NFIC: variants seen among roughly 807,000 people sequenced by gnomAD.
NFIC encodes nuclear factor 1 C-type.
NFIC carries 12 observed loss-of-function variants against 54.4 expected under a neutral mutation model. The observed-to-expected ratio is 0.22, with a 90% CI of 0.14 to 0.36. The LOEUF (loss-of-function observed/expected upper bound fraction) is 0.36, where lower values mean the gene tolerates loss of function less well. NFIC is among the 10% of genes least tolerant of loss of function. NFIC has a pLI of 1.00. For missense variants in NFIC, 575 were observed against 718.2 expected, an observed-to-expected ratio of 0.80 and a Z score of 2.28; for synonymous variants, 322 against 319.2, an observed-to-expected ratio of 1.01 and a Z score of -0.09.
intron 2 of NFIC, among the ~76,000 whole-genome samples, chr19:3,405,386 G>C: frequency 6.6e-6 from 1 of 152,130 alleles, no homozygotes; most frequent in Non-Finnish European, 1.5e-5. Context: ...CCAGACAGGC[G>C]ATGGACAAGG....
At position 3,463,333 on chromosome 19, in the gene NFIC, G is replaced by C. The variant is rs1013779908; in HGVS notation, c.*564G>C. The C allele has an allele frequency of 4.1e-6, 4 of 986,566 alleles. No homozygotes were observed. Among genetic ancestry groups the C allele is most frequent in the Non-Finnish European group, 4.8e-6 (4 of 830,964 alleles). The allele number at this position is 986,566 out of a possible 1,614,324, so 61.1% of individuals were successfully genotyped here. Reference sequence around the variant, plus strand: ...AGCCCCCACCGAGGACGCAGCCACTGGGGGGAAAGGGAGACACAGCGGACC... The same window carrying C: ...AGCCCCCACCGAGGACGCAGCCACTCGGGGGAAAGGGAGACACAGCGGACC... On this transcript the variant is annotated 3_prime_UTR_variant, in exon 11 of 11. Transcript: ENST00000443272.
intron 2 of NFIC, among the ~76,000 whole-genome samples, chr19:3,418,054 A>C (rs985783249): frequency 6.6e-6 from 1 of 151,504 alleles, no homozygotes; most frequent in Non-Finnish European, 1.5e-5. Flanking sequence ...TGGTGCTTGA[A>C]ATGTGATTTG....
chr19:3,401,435 C>T (rs529838481), intron 2 of NFIC, among the ~76,000 whole-genome samples: 6 of 152,282 alleles, frequency 3.9e-5, no homozygotes, highest in Non-Finnish European at 5.9e-5. Context: ...TCAACTCCGA[C>T]GGTGTGAGGA....
intron 2 of NFIC, among the ~76,000 whole-genome samples, chr19:3,391,055 G>A (rs1287012064): frequency 6.6e-6 from 1 of 152,088 alleles, no homozygotes; most frequent in Non-Finnish European, 1.5e-5. Flanking sequence ...TTCGAGACCA[G>A]CCTGGGCAAC....
At chr19:3,373,778 C>T (rs1229912713) in intron 1 of NFIC, among the ~76,000 whole-genome samples, 2 of 152,174 alleles carry the variant, frequency 1.3e-5, no homozygotes, top group South Asian at 2.1e-4. Flanking sequence ...AGGTGAGGGC[C>T]GAGCCCAGGT....
At chr19:3,360,752 G>A (rs1022438088) in intron 1 of NFIC, among the ~76,000 whole-genome samples, 7 of 152,250 alleles carry the variant, frequency 4.6e-5, no homozygotes, top group Non-Finnish European at 8.8e-5. Context: ...CCTGCGGGAC[G>A]GTGTTGTGAA....
At chr19:3,401,575 G>A (rs970960235) in intron 2 of NFIC, among the ~76,000 whole-genome samples, 4 of 152,190 alleles carry the variant, frequency 2.6e-5, no homozygotes, top group Admixed American at 6.5e-5. Flanking sequence ...CACTGGGCAC[G>A]CCTGGGAGCT....
In NFIC at chr19:3,461,084, C is replaced by T. The variant is rs974423302; in HGVS notation, c.1510-1668C>T. On this transcript the variant is annotated intron_variant, in intron 10 of 10. Coordinates refer to ENST00000443272, the MANE Select transcript of NFIC (RefSeq NM_001245002.2). Reference sequence around the variant, plus strand: ...AGGTTGCAGTGAGCCAAGATCGTGCCACTGCACTCCAGCCTGGTGACAAGA... The same window carrying T: ...AGGTTGCAGTGAGCCAAGATCGTGCTACTGCACTCCAGCCTGGTGACAAGA... Among the ~76,000 whole-genome samples, 5 of 151,944 alleles carry T rather than the reference C, an allele frequency of 3.3e-5. No individual in the cohort carries two copies. In the South Asian group the frequency reaches 6.2e-4, roughly 19 times the overall value.
chr19:3,434,146 CTAGGAACCGGGCCAATA>C (rs1331186931), intron 4 of NFIC, 114 bp from the exon 5 acceptor site: 14 of 1,395,740 alleles, frequency 1.0e-5, no homozygotes, highest in Admixed American at 2.3e-5. Flanking sequence ...TTCAGCCACC[CTAGGAACCGGGCCAATA>C]TGGGAAGGGG....
upstream of NFIC, among the ~76,000 whole-genome samples, chr19:3,363,401 A>G (rs1399884139): frequency 2.7e-5 from 4 of 150,380 alleles, no homozygotes; most frequent in Non-Finnish European, 5.9e-5. Context: ...CCTCCCGAGT[A>G]GCTGACATTA....
chr19:3,454,339 G>A (rs1181620119), intron 9 of NFIC: 17 of 892,518 alleles, frequency 1.9e-5, no homozygotes, highest in Non-Finnish European at 2.2e-5. Context: ...AAATCAGGAC[G>A]TTTTACATAA....
At chr19:3,402,974 T>C (rs1407649258) in intron 2 of NFIC, among the ~76,000 whole-genome samples, 1 of 152,144 alleles carries the variant, frequency 6.6e-6, no homozygotes, top group Non-Finnish European at 1.5e-5. Flanking sequence ...CCCCCAAATC[T>C]CTTAATGTTC....
chr19:3,388,583 G>A (rs2081333006), intron 2 of NFIC, among the ~76,000 whole-genome samples: 1 of 152,170 alleles, frequency 6.6e-6, no homozygotes, highest in Admixed American at 6.5e-5. Context: ...AACACTTTGG[G>A]AGGCTGAGGC....
intron 7 of NFIC, among the ~76,000 whole-genome samples, chr19:3,449,539 C>T (rs1030124261): frequency 5.9e-5 from 9 of 152,110 alleles, no homozygotes; most frequent in Middle Eastern, 6.8e-3. Flanking sequence ...GCGGGTGGAT[C>T]ATCTGAGGTC....
At chr19:3,428,537 C>T (rs867086439) in intron 3 of NFIC, among the ~76,000 whole-genome samples, 18 of 151,448 alleles carry the variant, frequency 1.2e-4, no homozygotes, top group African/African-American at 4.4e-4. Flanking sequence ...CAGGCATGCA[C>T]AGGGAGGCTG....
Position 3,435,197 on chromosome 19 carries a change from C to T in NFIC, c.948C>T (p.Asp316=), listed in dbSNP as rs369185182. 13 of 1,601,558 alleles carry T rather than the reference C, an allele frequency of 8.1e-6. No homozygotes were observed. In the African/African-American group the frequency reaches 1.3e-4, roughly 16 times the overall value. ...PTSSSRNWTE[D]MEGGISSPVK... The stretch of plus-strand genomic sequence containing the variant: ...GTAGCAGCCGCAACTGGACGGAGGA[C>T]ATGGAAGGAGGTAGGGCTGGTGGCG... Residue 316 remains aspartate (D), a synonymous_variant, in exon 6 of 11, where the codon GAC becomes GAT. Coordinates refer to ENST00000443272, the MANE Select transcript of NFIC (RefSeq NM_001245002.2).
chr19:3,380,309 C>CTTGTTCTT (rs2081183999), intron 1 of NFIC, among the ~76,000 whole-genome samples: 2 of 65,148 alleles, frequency 3.1e-5, no homozygotes, highest in African/African-American at 1.4e-4. Flanking sequence ...CAGCCTTGTT[C>CTTGTTCTT]TTTTTTTTTT....
In NFIC at chr19:3,452,523, C is replaced by T. The variant is rs936826367; in HGVS notation, c.1126C>T (p.Pro376Ser). The change falls in exon 8 of 11, where the codon CCT becomes TCT. Residue 376 changes from proline (P) to serine (S), a missense_variant. Pro to Ser is a moderately conservative substitution (Grantham distance 74). Coordinates refer to ENST00000443272, the MANE Select transcript of NFIC (RefSeq NM_001245002.2). The surrounding 1 kb of genome is among the most constrained non-coding windows in gnomAD (Gnocchi z 5.3). ...SPHPSSALHF[P>S]TTSILPQTAS... Reference sequence around the variant, plus strand: ...ACACCCGTCCTCCGCTCTGCATTTCCCTACGACGTCCATCCTACCCCAGAC... The same window carrying T: ...ACACCCGTCCTCCGCTCTGCATTTCTCTACGACGTCCATCCTACCCCAGAC... The T allele has an allele frequency of 1.2e-6, 2 of 1,613,326 alleles. No individual in the cohort carries two copies. Among genetic ancestry groups the T allele is most frequent in the African/African-American group, 1.3e-5 (1 of 75,014 alleles).
At position 3,375,805 on chromosome 19, in the gene NFIC, G is replaced by A. The variant is rs1431577411; in HGVS notation, c.31-5907G>A. ...GGGGACGTGGAGCACAGAGCAGGGA[G>A]GGTGATCTGGCAGCAGCTGCTCTGC... On this transcript the variant is annotated intron_variant, in intron 1 of 10. Transcript: ENST00000443272. This position sits in a 1 kb window ranked among gnomAD's most constrained non-coding sequence, Gnocchi z 4.6. Among the ~76,000 whole-genome samples the A allele has an allele frequency of 6.6e-6, 1 of 152,200 alleles. No homozygotes were observed. Among genetic ancestry groups the A allele is most frequent in the Non-Finnish European group, 1.5e-5 (1 of 68,028 alleles).
Sources: allele counts gnomAD v4.1 joint callset (sites outside exome capture counted in the v4.1 genomes callset), GRCh38; gene constraint gnomAD v4.1.1; non-coding constraint Gnocchi (gnomAD v3.1); transcripts MANE v1.5; gene names NCBI Gene and HGNC (gene_info 2026-07-23, HGNC 2026-07-21).